MARK3: variants seen among roughly 807,000 people sequenced by gnomAD.
The protein encoded by MARK3 is MAP/microtubule affinity-regulating kinase 3.
Under a neutral mutation model 90.1 loss-of-function variants are expected in MARK3, and 46 were observed. That is an observed-to-expected ratio of 0.51 (90% CI 0.40 to 0.65). MARK3 has a LOEUF of 0.65. Among genes scored for constraint, MARK3 ranks in the 30% least tolerant of loss-of-function variants. The pLI, the probability that MARK3 is intolerant of heterozygous loss-of-function variation, is 0.00. For synonymous variants in MARK3, 321 were observed against 332.6 expected, an observed-to-expected ratio of 0.97 and a Z score of 0.38; for missense variants, 818 against 947.2, an observed-to-expected ratio of 0.86 and a Z score of 1.79.
In MARK3 at chr14:103,385,882, A is replaced by T. The variant is rs2089745463; in HGVS notation, c.-148A>T. ...GGGGACGGCCCGGGCCAGGCCCGGG[A>T]TCTAGACGGCCGTAGGGGGAAGGGA... On this transcript the variant is annotated 5_prime_UTR_variant, in exon 1 of 18. Coordinates refer to ENST00000429436, the MANE Select transcript of MARK3 (RefSeq NM_001128918.3). 1 of 576,874 alleles carries T rather than the reference A, an allele frequency of 1.7e-6. No homozygotes were observed. 35.7% of individuals were successfully genotyped at this position (576,874 alleles called of 1,614,324 possible).
chr14:103,399,941 T>A (rs1172935629), intron 1 of MARK3, among the ~76,000 whole-genome samples: 4 of 77,502 alleles, frequency 5.2e-5, no homozygotes, highest in Non-Finnish European at 1.5e-4. Flanking sequence ...CACCCTCCTT[T>A]TTTTTTTTTG....
chr14:103,471,460 C>A (rs2093623574), intron 12 of MARK3, among the ~76,000 whole-genome samples: 1 of 152,196 alleles, frequency 6.6e-6, no homozygotes, highest in African/African-American at 2.4e-5. Context: ...GCCTGCTGGT[C>A]CAAGCCCTGT....
intron 16 of MARK3, chr14:103,499,934 T>C: frequency 1.8e-6 from 1 of 568,570 alleles, no homozygotes; most frequent in Non-Finnish European, 3.2e-6. Flanking sequence ...GTGTGCAGCA[T>C]GGAGCTGGCC....
chr14:103,417,898 C>T (rs1176695200), intron 2 of MARK3, among the ~76,000 whole-genome samples: 1 of 152,064 alleles, frequency 6.6e-6, no homozygotes, highest in Non-Finnish European at 1.5e-5. Flanking sequence ...GAAACCCTGC[C>T]TCTACTAAAA....
At chr14:103,501,649 T>C (rs1169763356) in intron 17 of MARK3, among the ~76,000 whole-genome samples, 1 of 151,918 alleles carries the variant, frequency 6.6e-6, no homozygotes, top group African/African-American at 2.4e-5. Context: ...CCTCCTTGTC[T>C]CATCCTGCCT....
At chr14:103,467,674 C>CAAAAAAAACA (rs2093537437) in intron 11 of MARK3, 1 of 44,910 alleles carries the variant, frequency 2.2e-5, no homozygotes, top group African/African-American at 1.0e-4. Context: ...GACTCTGTCT[C>CAAAAAAAACA]AAAAAAAAAA....
intron 2 of MARK3, among the ~76,000 whole-genome samples, chr14:103,405,710 T>C (rs923242819): frequency 1.6e-4 from 25 of 151,870 alleles, no homozygotes; most frequent in African/African-American, 5.8e-4. Context: ...TTGTAATACA[T>C]AGCTGGGATT....
intron 11 of MARK3, 199 bp downstream of exon 11, chr14:103,467,390 C>T (rs964570069): frequency 8.5e-6 from 3 of 351,548 alleles, no homozygotes; most frequent in East Asian, 5.1e-5. Context: ...ATTGGCCAGG[C>T]GTGGTGGCTC....
chr14:103,483,229 C>T (rs959971494), intron 14 of MARK3, among the ~76,000 whole-genome samples: 4 of 146,558 alleles, frequency 2.7e-5, no homozygotes, highest in South Asian at 4.2e-4. Flanking sequence ...TATGAGTGAG[C>T]TGTAGGATGC....
chr14:103,486,744 A>C (rs936354762), intron 14 of MARK3, among the ~76,000 whole-genome samples: 14 of 152,142 alleles, frequency 9.2e-5, no homozygotes, highest in Non-Finnish European at 1.8e-4. Context: ...ATTTGCAAAC[A>C]TCTTACTGAG....
At position 103,391,786 on chromosome 14, in the gene MARK3, G is replaced by A. The variant is rs373048391; in HGVS notation, c.51+5706G>A. Among the ~76,000 whole-genome samples, 7 of 138,212 alleles carry A rather than the reference G, an allele frequency of 5.1e-5. No individual in the cohort carries two copies. The East Asian group carries it at 1.5e-3, about 30-fold the overall frequency. 90.7% of individuals were successfully genotyped at this position (138,212 alleles called of 152,430 possible). A position where few individuals can be genotyped will look rare whatever the true frequency, so the allele number is the denominator to read the frequency against. The stretch of plus-strand genomic sequence containing the variant: ...TTGGCCAGGCTGTTCTCAAACTCCT[G>A]ACCTCAGGTGATCCGCCCGCCTTGG... On this transcript the variant is annotated intron_variant, in intron 1 of 17. Coordinates refer to ENST00000429436, the MANE Select transcript of MARK3 (RefSeq NM_001128918.3).
intron 1 of MARK3, among the ~76,000 whole-genome samples, chr14:103,402,422 G>A (rs1344990440): frequency 1.3e-5 from 2 of 151,974 alleles, no homozygotes; most frequent in East Asian, 1.9e-4. Context: ...GTATGGTGGC[G>A]CGCACCTGAG....
chr14:103,405,037 T>A, intron 1 of MARK3, 39 bp from the exon 2 acceptor site: 2 of 1,553,226 alleles, frequency 1.3e-6, no homozygotes, highest in Non-Finnish European at 1.8e-6. Flanking sequence ...GTACTCTGTG[T>A]TCTCTCATTT....
chr14:103,442,942 T>TGGGCCCCCCCCC, intron 3 of MARK3, among the ~76,000 whole-genome samples: 1 of 103,738 alleles, frequency 9.6e-6, no homozygotes, highest in African/African-American at 3.6e-5. Flanking sequence ...TTGGTGGGTG[T>TGGGCCCCCCCCC]CCCCCCCCCT....
intron 1 of MARK3, among the ~76,000 whole-genome samples, chr14:103,398,526 C>A (rs2090734874): frequency 6.6e-6 from 1 of 152,058 alleles, no homozygotes. Flanking sequence ...TCCTAGTTTG[C>A]TATAGGAATT....
chr14:103,477,303 C>T (rs2141805509), intron 13 of MARK3, among the ~76,000 whole-genome samples: 1 of 152,160 alleles, frequency 6.6e-6, no homozygotes, highest in South Asian at 2.1e-4. Flanking sequence ...AACAGCCTGG[C>T]CAACATGGTG....
At chr14:103,391,648 G>A (rs28701880) in intron 1 of MARK3, among the ~76,000 whole-genome samples, 4,125 of 148,394 alleles carry the variant, frequency 0.028, 210 homozygotes, top group African/African-American at 0.097. Context: ...GGGTTCAAGC[G>A]ATTGTCGTGC....
intron 2 of MARK3, among the ~76,000 whole-genome samples, chr14:103,406,856 CAG>C (rs1178871408): frequency 1.3e-5 from 2 of 151,466 alleles, no homozygotes; most frequent in African/African-American, 4.9e-5. Context: ...TTTTATGAGG[CAG>C]AGTCTCACTC....
intron 14 of MARK3, among the ~76,000 whole-genome samples, chr14:103,481,504 C>T (rs17101672): frequency 0.012 from 1,829 of 152,264 alleles, 47 homozygotes; most frequent in African/African-American, 0.042. Flanking sequence ...TAGTTCCAAA[C>T]TGCTTATCAC....
Sources: allele counts gnomAD v4.1 joint callset (sites outside exome capture counted in the v4.1 genomes callset), GRCh38; gene constraint gnomAD v4.1.1; transcripts MANE v1.5; gene names NCBI Gene and HGNC (gene_info 2026-07-23, HGNC 2026-07-21).